Variants in LOC728743 observed in about 807,000 individuals in gnomAD.
the LOC728743 span, chr7:150,408,073 G>T: frequency 7.9e-6 from 3 of 377,364 alleles, no homozygotes; most frequent in Non-Finnish European, 1.4e-5. Flanking sequence ...CGCCGCACCC[G>T]CGCCGCCCCG....
At chr7:150,407,991 C>T in the LOC728743 span, 1 of 399,858 alleles carries the variant, frequency 2.5e-6, no homozygotes, top group Non-Finnish European at 4.4e-6. Flanking sequence ...CACCAGTGCG[C>T]GCAGTGCGGC....
chr7:150,403,665 C>T, the LOC728743 span, among the ~76,000 whole-genome samples: 2 of 152,182 alleles, frequency 1.3e-5, no homozygotes, highest in African/African-American at 4.8e-5. This position sits in a 1 kb window ranked among gnomAD's most constrained non-coding sequence, Gnocchi z 5.1. Context: ...GTCCTATGGA[C>T]TAGTTTCTTT....
chr7:150,408,246 C>T, the LOC728743 span: 510 of 386,262 alleles, frequency 1.3e-3, 2 homozygotes, highest in East Asian at 0.019. Context: ...CTGCTGCCGA[C>T]GGCTGCTTCC....
chr7:150,407,955 AG>A, the LOC728743 span: 1 of 407,468 alleles, frequency 2.5e-6, no homozygotes, highest in East Asian at 3.5e-5. Flanking sequence ...CTCACGCACC[AG>A]CGCATCCACA....
chr7:150,407,768 G>C, the LOC728743 span: 1 of 400,988 alleles, frequency 2.5e-6, no homozygotes, highest in Non-Finnish European at 4.4e-6. Context: ...GCCCAGCCTG[G>C]TGCGGCACCA....
At chr7:150,407,929 C>T in the LOC728743 span, 1 of 413,152 alleles carries the variant, frequency 2.4e-6, no homozygotes, top group Non-Finnish European at 4.3e-6. Context: ...GCTGCTTCAG[C>T]CTCAAGCAGA....
At chr7:150,404,350 C>G in the LOC728743 span, 1 of 152,152 alleles carries the variant, frequency 6.6e-6, no homozygotes, top group Non-Finnish European at 1.5e-5. Flanking sequence ...GGTCTCAGTC[C>G]CAGGGCGGTG....
At chr7:150,401,140 T>C in the LOC728743 span, among the ~76,000 whole-genome samples, 2 of 152,218 alleles carry the variant, frequency 1.3e-5, no homozygotes, top group Non-Finnish European at 2.9e-5. Flanking sequence ...CTTGGTGATG[T>C]TGGGGCTTCT....
the LOC728743 span, among the ~76,000 whole-genome samples, chr7:150,409,960 C>G: frequency 6.6e-6 from 1 of 152,156 alleles, no homozygotes; most frequent in Non-Finnish European, 1.5e-5. Flanking sequence ...CCAAAATGCC[C>G]TGAACCCAAG....
the LOC728743 span, chr7:150,405,679 A>T: frequency 6.6e-6 from 1 of 151,758 alleles, no homozygotes; most frequent in Admixed American, 6.6e-5. Flanking sequence ...CGGCCGCAGA[A>T]GTTGGCAAGG....
At chr7:150,409,579 G>A in the LOC728743 span, among the ~76,000 whole-genome samples, 1 of 152,220 alleles carries the variant, frequency 6.6e-6, no homozygotes, top group Non-Finnish European at 1.5e-5. Context: ...GCTTTGTTTT[G>A]GATTCTGAAT....
chr7:150,401,964 C>G, the LOC728743 span, among the ~76,000 whole-genome samples: 10 of 152,168 alleles, frequency 6.6e-5, no homozygotes. Context: ...TCACCACCTC[C>G]GGGAGAGCCA....
At chr7:150,410,187 C>T in the LOC728743 span, 52 of 398,588 alleles carry the variant, frequency 1.3e-4, no homozygotes, top group Middle Eastern at 6.3e-4. Context: ...TCTTAAGACC[C>T]GATAGGTGCA....
chr7:150,408,262 C>G, the LOC728743 span: 1 of 381,860 alleles, frequency 2.6e-6, no homozygotes, highest in Non-Finnish European at 4.6e-6. Flanking sequence ...CTTCCCGCCC[C>G]GCACGTGCGT....
At chr7:150,402,580 T>G in the LOC728743 span, among the ~76,000 whole-genome samples, 1 of 152,228 alleles carries the variant, frequency 6.6e-6, no homozygotes, top group African/African-American at 2.4e-5. Context: ...GTCCCTGCCC[T>G]TTGAAGTTCA....
chr7:150,407,550 C>T, the LOC728743 span: 16 of 397,986 alleles, frequency 4.0e-5, no homozygotes, highest in African/African-American at 1.6e-4. Flanking sequence ...TCTCTCTCCA[C>T]CCCCCACCCC....
At chr7:150,406,889 T>G in the LOC728743 span, among the ~76,000 whole-genome samples, 1 of 152,266 alleles carries the variant, frequency 6.6e-6, no homozygotes, top group Non-Finnish European at 1.5e-5. Flanking sequence ...TGCCTCATTT[T>G]GATAAACAAA....
chr7:150,408,017 C>T, the LOC728743 span: 71 of 397,606 alleles, frequency 1.8e-4, 1 homozygote, highest in Non-Finnish European at 2.9e-4. Flanking sequence ...CTTCCGCGAG[C>T]CGCGCTTCCT....
the LOC728743 span, among the ~76,000 whole-genome samples, chr7:150,402,598 G>A: frequency 6.6e-6 from 1 of 152,248 alleles, no homozygotes; most frequent in South Asian, 2.1e-4. Flanking sequence ...TCATAACCTG[G>A]TGGGGAAAAC....
Sources: allele counts gnomAD v4.1 joint callset (sites outside exome capture counted in the v4.1 genomes callset), GRCh38; gene constraint gnomAD v4.1.1; non-coding constraint Gnocchi (gnomAD v3.1); transcripts MANE v1.5.